NALF1: variants seen among roughly 807,000 people sequenced by gnomAD.
The protein encoded by NALF1 is NALCN channel auxiliary factor 1, also known as family with sequence similarity 155 member A.
Under a neutral mutation model 48.4 loss-of-function variants are expected in NALF1, and 3 were observed. The ratio of observed to expected loss-of-function variants is 0.06; its 90% CI spans 0.03 to 0.16. NALF1 has a LOEUF of 0.16. NALF1 is among the 10% of genes least tolerant of loss of function. The pLI is 1.00. For missense variants in NALF1, 526 were observed against 571.5 expected (o/e 0.92, Z 0.81); for synonymous variants, 262 against 245.7 (o/e 1.07, Z -0.62).
chr13:107,188,350 A>G lies in NALF1; in HGVS notation c.1088-17564T>C, dbSNP rs187610577. ...GGTAAAAAATTGTAAAATAATCTCT[A>G]GAGAATTTGCTAATTTTCTAGGGTT... On this transcript the variant is annotated intron_variant, in intron 2 of 2. Transcript: ENST00000375915. Among the ~76,000 whole-genome samples the G allele has an allele frequency of 8.5e-5, 13 of 152,256 alleles. No individual in the cohort carries two copies. In the East Asian group the frequency reaches 2.5e-3, roughly 29 times the overall value.
chr13:107,598,164 T>TAC (rs977914001), intron 1 of NALF1, among the ~76,000 whole-genome samples: 16 of 152,128 alleles, frequency 1.1e-4, no homozygotes, highest in African/African-American at 3.1e-4. Context: ...GCACACACAA[T>TAC]ACACACACAG....
At position 107,164,387 on chromosome 13, in the gene NALF1, T is replaced by C. The variant is rs1007096972; in HGVS notation, c.*6110A>G. The C allele has an allele frequency of 2.6e-4, 40 of 152,252 alleles. 1 individual carries two copies. Among genetic ancestry groups the C allele is most frequent in the African/African-American group, 9.4e-4 (39 of 41,570 alleles). The allele number at this position is 152,252 out of a possible 1,614,324, so 9.4% of individuals were successfully genotyped here. A position where few individuals can be genotyped will look rare whatever the true frequency, so the allele number is the denominator to read the frequency against. On this transcript the variant is annotated 3_prime_UTR_variant, in exon 3 of 3. Transcript: ENST00000375915. ...AATAATTATAGTGTTAATTAAAATA[T>C]ATATTAATTCAGTTTAATTAATTTT... is the stretch of plus-strand genomic sequence containing the variant.
At chr13:107,367,071 T>A (rs1402173210) in intron 1 of NALF1, among the ~76,000 whole-genome samples, 1 of 151,978 alleles carries the variant, frequency 6.6e-6, no homozygotes, top group African/African-American at 2.4e-5. Flanking sequence ...TGCACAAGGA[T>A]GAAAACAAAA....
intron 1 of NALF1, among the ~76,000 whole-genome samples, chr13:107,792,769 C>G (rs150437036): frequency 1.3e-5 from 2 of 152,192 alleles, no homozygotes; most frequent in East Asian, 1.9e-4. Flanking sequence ...TATAATGTAC[C>G]CAAAATTACA....
In NALF1 at chr13:107,272,493, C is replaced by T. The variant is rs1485080001; in HGVS notation, c.916-61738G>A. ...CCTCCCAAAGTGCTGGGATTACAGG[C>T]GTGAGCCACCGCGCCCGGCCTAGAA... On this transcript the variant is annotated intron_variant, in intron 1 of 2. Coordinates refer to ENST00000375915, the MANE Select transcript of NALF1 (RefSeq NM_001080396.3). Among the ~76,000 whole-genome samples, 7 of 15,086 alleles carry T rather than the reference C, an allele frequency of 4.6e-4. 3 individuals carry two copies. The highest frequency in any genetic ancestry group is 1.6e-3 in the Non-Finnish European group (7 of 4,246). The allele number at this position is 15,086 out of a possible 152,430, so 9.9% of individuals were successfully genotyped here.
intron 1 of NALF1, among the ~76,000 whole-genome samples, chr13:107,500,168 G>A (rs1468904387): frequency 4.6e-5 from 7 of 152,118 alleles, no homozygotes; most frequent in Admixed American, 1.3e-4. Context: ...ACACTCCACT[G>A]TTTTGGTTTT....
intron 1 of NALF1, among the ~76,000 whole-genome samples, chr13:107,778,999 A>G (rs189093119): frequency 1.3e-5 from 2 of 152,288 alleles, no homozygotes; most frequent in East Asian, 3.9e-4. Flanking sequence ...TACCTTCTCT[A>G]CAGTCAATAG....
At chr13:107,329,265 G>A (rs770708567) in intron 1 of NALF1, among the ~76,000 whole-genome samples, 2 of 152,150 alleles carry the variant, frequency 1.3e-5, no homozygotes, top group Admixed American at 6.5e-5. Context: ...GAGCAGTAAA[G>A]TTTGATTTAA....
intron 1 of NALF1, among the ~76,000 whole-genome samples, chr13:107,809,538 GTT>G (rs1329021074): frequency 6.6e-6 from 1 of 152,086 alleles, no homozygotes; most frequent in Non-Finnish European, 1.5e-5. Context: ...CGCACCCACT[GTT>G]CACATAGGGT....
intron 1 of NALF1, among the ~76,000 whole-genome samples, chr13:107,730,490 G>A (rs573585935): frequency 5.3e-5 from 8 of 152,122 alleles, no homozygotes; most frequent in Non-Finnish European, 8.8e-5. Flanking sequence ...TGCTTTCCCT[G>A]TACTTCTGTG....
At chr13:107,171,104 A>T (rs938131985) in intron 2 of NALF1, among the ~76,000 whole-genome samples, 2 of 152,260 alleles carry the variant, frequency 1.3e-5, no homozygotes. Context: ...GATATCAAGT[A>T]CATGCAGTCA....
intron 1 of NALF1, among the ~76,000 whole-genome samples, chr13:107,452,949 T>G (rs542388493): frequency 6.6e-6 from 1 of 152,250 alleles, no homozygotes; most frequent in African/African-American, 2.4e-5. Context: ...ATCTTAAAGC[T>G]CCGAAATAAT....
chr13:107,738,904 C>T (rs188771441), intron 1 of NALF1, among the ~76,000 whole-genome samples: 5 of 152,138 alleles, frequency 3.3e-5, no homozygotes, highest in East Asian at 1.9e-4. Flanking sequence ...CCTCGTGATC[C>T]GCCTGCCTCT....
At chr13:107,696,276 G>C (rs1472320604) in intron 1 of NALF1, among the ~76,000 whole-genome samples, 1 of 152,170 alleles carries the variant, frequency 6.6e-6, no homozygotes, top group Non-Finnish European at 1.5e-5. Flanking sequence ...AGAAGCTAAA[G>C]ATTGCCTCTG....
intron 1 of NALF1, among the ~76,000 whole-genome samples, chr13:107,598,098 C>A (rs957406996): frequency 6.6e-6 from 1 of 152,034 alleles, no homozygotes; most frequent in African/African-American, 2.4e-5. Flanking sequence ...GATGGTAAAA[C>A]CTAGGTTAGT....
At chr13:107,583,812 G>C (rs542861046) in intron 1 of NALF1, among the ~76,000 whole-genome samples, 3 of 152,220 alleles carry the variant, frequency 2.0e-5, no homozygotes, top group Non-Finnish European at 4.4e-5. Context: ...TTACTGTCTA[G>C]CAAAATACCC....
intron 1 of NALF1, among the ~76,000 whole-genome samples, chr13:107,386,359 A>G (rs923991045): frequency 6.6e-6 from 1 of 152,190 alleles, no homozygotes; most frequent in Non-Finnish European, 1.5e-5. Context: ...ATGATGGTGG[A>G]AATTACATTT....
chr13:107,663,178 A>C (rs959174674), intron 1 of NALF1, among the ~76,000 whole-genome samples: 1 of 152,198 alleles, frequency 6.6e-6, no homozygotes, highest in Admixed American at 6.6e-5. Flanking sequence ...AAATGTACTA[A>C]GATATTTCAT....
At chr13:107,416,464 T>G (rs1884091123) in intron 1 of NALF1, among the ~76,000 whole-genome samples, 2 of 152,102 alleles carry the variant, frequency 1.3e-5, no homozygotes, top group Admixed American at 6.6e-5. Context: ...CTACTCAAAG[T>G]GAACACTAGG....
Sources: allele counts gnomAD v4.1 joint callset (sites outside exome capture counted in the v4.1 genomes callset), GRCh38; gene constraint gnomAD v4.1.1; transcripts MANE v1.5; gene names NCBI Gene and HGNC (gene_info 2026-07-23, HGNC 2026-07-21).